SPECC1L: variants seen among roughly 807,000 people sequenced by gnomAD.
SPECC1L encodes cytospin-A.
In SPECC1L, 40 loss-of-function variants were observed where a neutral mutation model predicts 116.8. The observed-to-expected ratio is 0.34, with a 90% CI of 0.27 to 0.45. The LOEUF (loss-of-function observed/expected upper bound fraction) is 0.45, where lower values mean the gene tolerates loss of function less well. SPECC1L is among the 20% of genes least tolerant of loss of function. SPECC1L has a pLI of 1.00. For synonymous variants in SPECC1L, 504 were observed against 500.6 expected (o/e 1.01, Z -0.09); for missense variants, 1,110 against 1,373.6 (o/e 0.81, Z 3.03).
At chr22:24,383,158 T>C (rs1344435384) in intron 14 of SPECC1L, among the ~76,000 whole-genome samples, 7 of 152,222 alleles carry the variant, frequency 4.6e-5, no homozygotes, top group Admixed American at 4.6e-4. Context: ...TGACCAGAAG[T>C]TATCAGCTTT....
At chr22:24,387,649 T>G (rs2042186195) in intron 14 of SPECC1L, among the ~76,000 whole-genome samples, 1 of 152,238 alleles carries the variant, frequency 6.6e-6, no homozygotes, top group African/African-American at 2.4e-5. Context: ...TCCAGATGAT[T>G]TATTAAGATT....
At chr22:24,279,256 A>G (rs1305110295) in intron 2 of SPECC1L, among the ~76,000 whole-genome samples, 5 of 152,214 alleles carry the variant, frequency 3.3e-5, no homozygotes, top group South Asian at 4.1e-4. Context: ...AGAAAAGGAT[A>G]TCCTTCCTGC....
At chr22:24,281,082 G>A (rs2048934177) in intron 2 of SPECC1L, among the ~76,000 whole-genome samples, 1 of 152,138 alleles carries the variant, frequency 6.6e-6, no homozygotes, top group Non-Finnish European at 1.5e-5. Flanking sequence ...TAGACTTAAG[G>A]TAGTATGTAA....
chr22:24,282,475 C>CTT (rs1333040828), intron 2 of SPECC1L, among the ~76,000 whole-genome samples: 1 of 152,194 alleles, frequency 6.6e-6, no homozygotes, highest in Non-Finnish European at 1.5e-5. Flanking sequence ...AGTTAGATCT[C>CTT]TCACTGTCTC....
chr22:24,410,103 TGG>T (rs1401737968), intron 14 of SPECC1L, among the ~76,000 whole-genome samples: 2 of 152,242 alleles, frequency 1.3e-5, no homozygotes, highest in Non-Finnish European at 2.9e-5. Context: ...TAATGCAAGA[TGG>T]GGGCTGTCAG....
At chr22:24,414,485 G>T (rs1223657381) in intron 16 of SPECC1L, 49 bp from the exon 17 acceptor site, 1 of 1,540,250 alleles carries the variant, frequency 6.5e-7, no homozygotes, top group Admixed American at 1.7e-5. Flanking sequence ...CATTGGCACA[G>T]CCTGGAGGTG....
At chr22:24,393,316 C>T (rs1019165545) in intron 14 of SPECC1L, among the ~76,000 whole-genome samples, 3 of 152,164 alleles carry the variant, frequency 2.0e-5, no homozygotes, top group African/African-American at 4.8e-5. Flanking sequence ...GAGAGGGAAT[C>T]TGGGTAGATG....
rs561843284 is a variant in SPECC1L, at chr22:24,348,690, C to A, written c.2743+1514C>A. On this transcript the variant is annotated intron_variant, in intron 11 of 16. Coordinates refer to ENST00000314328, the MANE Select transcript of SPECC1L (RefSeq NM_015330.6). ...TTTACATCCCGCCTCCCAGATGAAC[C>A]CACAAAGGATTTACATAGGTGTGCA... Among the ~76,000 whole-genome samples, 9 of 152,326 alleles carry A rather than the reference C, an allele frequency of 5.9e-5. No individual in the cohort carries two copies. In the South Asian group the frequency reaches 1.7e-3, roughly 28 times the overall value.
intron 2 of SPECC1L, among the ~76,000 whole-genome samples, chr22:24,296,810 C>G (rs1448473890): frequency 6.6e-6 from 1 of 151,964 alleles, no homozygotes; most frequent in Non-Finnish European, 1.5e-5. Context: ...TTTGTGGAAG[C>G]ATTTGTGATT....
At chr22:24,272,894 A>G (rs1457432575) in intron 1 of SPECC1L, among the ~76,000 whole-genome samples, 1 of 152,132 alleles carries the variant, frequency 6.6e-6, no homozygotes, top group Non-Finnish European at 1.5e-5. Context: ...ATAGCTGGAG[A>G]ATGCTTCCTA....
chr22:24,310,911 G>A (rs186994340), intron 3 of SPECC1L, among the ~76,000 whole-genome samples: 25 of 152,054 alleles, frequency 1.6e-4, no homozygotes, highest in Non-Finnish European at 3.2e-4. Context: ...ATTTAAAATC[G>A]TAGTTAGAAA....
In SPECC1L at chr22:24,288,615, CTTTTTTTTTTTTT is replaced by C. The variant is rs756714389; in HGVS notation, c.-38+11829_-38+11841del. ...GACTTCTCAAATCCAAAATTTTAAG[CTTTTTTTTTTTTT>C]TTTTTTTTTTTTTTTTGGACATATC... On this transcript the variant is annotated intron_variant, in intron 2 of 16. Transcript: ENST00000314328. 3.9e-4 allele frequency among the ~76,000 whole-genome samples: 24 copies of C among 61,678 alleles called. 1 individual carries two copies. Among genetic ancestry groups the C allele is most frequent in the South Asian group, 2.0e-3 (3 of 1,514 alleles). 40.5% of individuals were successfully genotyped at this position (61,678 alleles called of 152,430 possible). A position where few individuals can be genotyped will look rare whatever the true frequency, so the allele number is the denominator to read the frequency against.
At chr22:24,273,190 G>C (rs2048763472) in intron 1 of SPECC1L, among the ~76,000 whole-genome samples, 1 of 152,192 alleles carries the variant, frequency 6.6e-6, no homozygotes, top group South Asian at 2.1e-4. Flanking sequence ...CTCTATAACT[G>C]ACTTGACACA....
intron 11 of SPECC1L, 93 bp from the exon 12 acceptor site, chr22:24,363,168 G>A (rs1427399331): frequency 9.0e-7 from 1 of 1,105,406 alleles, no homozygotes; most frequent in East Asian, 2.5e-5. Flanking sequence ...GAGCTTCAAG[G>A]CTGAAAGGAG....
chr22:24,272,117 A>G (rs2048739127), intron 1 of SPECC1L, among the ~76,000 whole-genome samples: 1 of 152,228 alleles, frequency 6.6e-6, no homozygotes, highest in Non-Finnish European at 1.5e-5. Flanking sequence ...GCGGTGCCTC[A>G]TGCCTGTAAT....
At chr22:24,301,842 C>G (rs183289396) in intron 2 of SPECC1L, among the ~76,000 whole-genome samples, 1 of 152,022 alleles carries the variant, frequency 6.6e-6, no homozygotes, top group African/African-American at 2.4e-5. Context: ...GTCAGGAGAT[C>G]GAGACCATCC....
intron 14 of SPECC1L, among the ~76,000 whole-genome samples, chr22:24,399,579 CA>C (rs553159232): frequency 1.4e-4 from 20 of 147,478 alleles, no homozygotes; most frequent in African/African-American, 4.2e-4. Flanking sequence ...TCAAAAAAAA[CA>C]AAAAAAAAAG....
chr22:24,382,484 C>T (rs1459552122), intron 14 of SPECC1L, among the ~76,000 whole-genome samples: 1 of 152,104 alleles, frequency 6.6e-6, no homozygotes, highest in Admixed American at 6.6e-5. Context: ...GCAGGCGGAT[C>T]ATGAGGTCAG....
chr22:24,365,846 C>CTT (rs202229268), intron 13 of SPECC1L, among the ~76,000 whole-genome samples: 153 of 130,120 alleles, frequency 1.2e-3, no homozygotes, highest in African/African-American at 3.6e-3. Context: ...GCAGCTGTAT[C>CTT]TTTTTTTTTT....
Sources: allele counts gnomAD v4.1 joint callset (sites outside exome capture counted in the v4.1 genomes callset), GRCh38; gene constraint gnomAD v4.1.1; transcripts MANE v1.5; gene names NCBI Gene and HGNC (gene_info 2026-07-23, HGNC 2026-07-21).